THSD4: variants seen among roughly 807,000 people sequenced by gnomAD.
The protein encoded by THSD4 is thrombospondin type-1 domain-containing protein 4.
THSD4 carries 69 observed loss-of-function variants against 119.0 expected under a neutral mutation model. The ratio of observed to expected loss-of-function variants is 0.58; its 90% CI spans 0.48 to 0.71. The LOEUF (loss-of-function observed/expected upper bound fraction) is 0.71, where lower values mean the gene tolerates loss of function less well. THSD4 is among the 30% of genes least tolerant of loss of function. The probability of loss-of-function intolerance (pLI) is 0.00; values close to 1 mark genes in which losing one functional copy is unlikely to be tolerated. For missense variants in THSD4, 1,393 were observed against 1,391.1 expected (o/e 1.00, Z -0.02); for synonymous variants, 524 against 540.4 (o/e 0.97, Z 0.42).
chr15:71,454,428 T>G (rs899819659), intron 7 of THSD4, among the ~76,000 whole-genome samples: 1 of 152,252 alleles, frequency 6.6e-6, no homozygotes, highest in African/African-American at 2.4e-5. Flanking sequence ...ATCCCTGGCC[T>G]GGGTCTTGGA....
intron 3 of THSD4, chr15:71,187,678 G>C (rs574719215): frequency 6.6e-6 from 1 of 152,396 alleles, no homozygotes; most frequent in Non-Finnish European, 1.5e-5. Context: ...CTCATGCAAG[G>C]CTTGTTTCTA....
At position 71,737,723 on chromosome 15, in the gene THSD4, C is replaced by T. The variant is rs753809643; in HGVS notation, c.1631-9C>T. Reference sequence around the variant, plus strand: ...CCTGATTCTGTGTGTGCACGCTCACCTCTCCTAGGGGAACCCTTCAATGGC... The same window carrying T: ...CCTGATTCTGTGTGTGCACGCTCACTTCTCCTAGGGGAACCCTTCAATGGC... On this transcript the variant is annotated splice_polypyrimidine_tract_variant and intron_variant, in intron 10 of 17. Transcript: ENST00000261862. 1.9e-6 allele frequency: 3 copies of T among 1,595,496 alleles called. No homozygotes were observed. The highest frequency in any genetic ancestry group is 2.6e-6 in the Non-Finnish European group (3 of 1,170,742).
rs1195148709 is a variant in THSD4 at position 71,564,803 on chromosome 15, ATT to A, written c.1153-95726_1153-95725del. On this transcript the variant is annotated intron_variant, in intron 7 of 17. Coordinates refer to ENST00000261862, the MANE Select transcript of THSD4 (RefSeq NM_024817.3). The stretch of plus-strand genomic sequence containing the variant: ...TATTATAACATATAATACAATATAT[ATT>A]GTATATTATAACATATAATACTATA... Among the ~76,000 whole-genome samples the A allele has an allele frequency of 8.2e-4, 29 of 35,310 alleles. 1 individual carries two copies. The highest frequency in any genetic ancestry group is 2.9e-3 in the African/African-American group (26 of 9,058). 23.2% of individuals were successfully genotyped at this position (35,310 alleles called of 152,430 possible). A position where few individuals can be genotyped will look rare whatever the true frequency, so the allele number is the denominator to read the frequency against.
At chr15:71,596,793 A>C (rs1243362232) in intron 7 of THSD4, among the ~76,000 whole-genome samples, 1 of 152,204 alleles carries the variant, frequency 6.6e-6, no homozygotes, top group Non-Finnish European at 1.5e-5. Flanking sequence ...TGTTTTGGAG[A>C]CAGCAGAAGC....
At chr15:71,745,373 C>A in intron 12 of THSD4, 138 bp downstream of exon 12, 18 of 1,193,268 alleles carry the variant, frequency 1.5e-5, no homozygotes, top group Non-Finnish European at 2.0e-5. Context: ...AAAATGCAGT[C>A]TGTTTAGCAG....
intron 7 of THSD4, among the ~76,000 whole-genome samples, chr15:71,531,433 A>G (rs1248937074): frequency 6.6e-6 from 1 of 152,240 alleles, no homozygotes; most frequent in Non-Finnish European, 1.5e-5. Context: ...GAACTTGTGG[A>G]CACATGAAAA....
At chr15:71,097,601 A>G (rs2040236258) in intron 1 of THSD4, among the ~76,000 whole-genome samples, 1 of 151,350 alleles carries the variant, frequency 6.6e-6, no homozygotes, top group African/African-American at 2.4e-5. Context: ...ATGAGACAAC[A>G]AAGAAGCCTC....
In THSD4 at chr15:71,780,982, G is replaced by A; in HGVS notation, c.*3608G>A. ...TCATTCGGATAGCCACTTTATAGTT[G>A]GAATATCAATTCTAATGAGGAGGAA... On this transcript the variant is annotated 3_prime_UTR_variant, in exon 18 of 18. Coordinates refer to ENST00000261862, the MANE Select transcript of THSD4 (RefSeq NM_024817.3). The A allele has an allele frequency of 2.9e-6, 1 of 341,036 alleles. No homozygotes were observed. Among genetic ancestry groups the A allele is most frequent in the Non-Finnish European group, 5.8e-6 (1 of 172,124 alleles). 21.1% of individuals were successfully genotyped at this position (341,036 alleles called of 1,614,324 possible).
chr15:71,230,647 G>C (rs1031977292), intron 4 of THSD4, among the ~76,000 whole-genome samples: 1 of 152,182 alleles, frequency 6.6e-6, no homozygotes, highest in Admixed American at 6.5e-5. Context: ...GATCTGGCCT[G>C]TCTGATGGAA....
chr15:71,572,259 T>C (rs976192964), intron 7 of THSD4, among the ~76,000 whole-genome samples: 1 of 152,240 alleles, frequency 6.6e-6, no homozygotes, highest in African/African-American at 2.4e-5. Flanking sequence ...TAGTGAGCAG[T>C]TTTCCTGTAT....
intron 7 of THSD4, among the ~76,000 whole-genome samples, chr15:71,591,963 G>C (rs552248099): frequency 6.6e-6 from 1 of 152,104 alleles, no homozygotes; most frequent in South Asian, 2.1e-4. Context: ...ACATTATTTC[G>C]TGTAATTTTC....
At chr15:71,714,398 G>T (rs759024103) in intron 8 of THSD4, among the ~76,000 whole-genome samples, 42 of 152,186 alleles carry the variant, frequency 2.8e-4, no homozygotes, top group Non-Finnish European at 5.1e-4. Context: ...GGTGGTGCAG[G>T]CATGGGGTGG....
rs554921712 is a variant in THSD4 at position 71,562,026 on chromosome 15, G to C, written c.1153-98504G>C. Among the ~76,000 whole-genome samples, 10 of 152,232 alleles carry C rather than the reference G, an allele frequency of 6.6e-5. No homozygotes were observed. In the South Asian group the frequency reaches 2.1e-3, roughly 32 times the overall value. On this transcript the variant is annotated intron_variant, in intron 7 of 17. Transcript: ENST00000261862. Reference sequence around the variant, plus strand: ...AATAAGGAACCTCAGAGATAATCTAGTCTAACCTACTGATTTTACATATGA... The same window carrying C: ...AATAAGGAACCTCAGAGATAATCTACTCTAACCTACTGATTTTACATATGA...
chr15:71,667,542 A>G (rs2051440046), intron 8 of THSD4, among the ~76,000 whole-genome samples: 1 of 152,246 alleles, frequency 6.6e-6, no homozygotes, highest in African/African-American at 2.4e-5. Flanking sequence ...ATAAACTGGC[A>G]GTATTCTTAC....
chr15:71,607,232 G>T (rs367678292), intron 7 of THSD4, among the ~76,000 whole-genome samples: 1 of 152,208 alleles, frequency 6.6e-6, no homozygotes, highest in Non-Finnish European at 1.5e-5. Flanking sequence ...CTTCTCCAGA[G>T]GTTGGGGAAA....
At chr15:71,623,926 G>A (rs199589122) in intron 7 of THSD4, among the ~76,000 whole-genome samples, 140 of 136,332 alleles carry the variant, frequency 1.0e-3, no homozygotes, top group South Asian at 1.2e-3. Flanking sequence ...TCCCTCTCAA[G>A]AAAAAAAAAA....
At chr15:71,202,636 A>G (rs1306389787) in intron 3 of THSD4, among the ~76,000 whole-genome samples, 1 of 152,216 alleles carries the variant, frequency 6.6e-6, no homozygotes, top group Non-Finnish European at 1.5e-5. Context: ...TACTTATCAT[A>G]AGAAAAAAAA....
At chr15:71,567,776 A>T (rs372059047) in intron 7 of THSD4, among the ~76,000 whole-genome samples, 45 of 150,530 alleles carry the variant, frequency 3.0e-4, no homozygotes, top group East Asian at 7.9e-4. Flanking sequence ...AGAGAGAGAG[A>T]GTGTGTGTGT....
At chr15:71,254,819 G>A (rs1041754111) in intron 5 of THSD4, among the ~76,000 whole-genome samples, 5 of 152,202 alleles carry the variant, frequency 3.3e-5, no homozygotes, top group African/African-American at 7.2e-5. Context: ...GGCTTCTGTG[G>A]CCTGTCCGCC....
Sources: gnomAD v4.1 joint callset for allele counts (sites outside exome capture counted in the v4.1 genomes callset) on GRCh38, gnomAD v4.1.1 for gene constraint, MANE v1.5 for transcripts, NCBI Gene and HGNC (gene_info 2026-07-23, HGNC 2026-07-21) for gene names.